The following DCC variants were observed in gnomAD, a reference collection of about 807,000 sequenced individuals.
DCC encodes netrin receptor DCC.
In DCC, 58 loss-of-function variants were observed where a neutral mutation model predicts 172.5. That is an observed-to-expected ratio of 0.34 (90% CI 0.27 to 0.42). DCC has a LOEUF of 0.42. DCC is among the 10% of genes least tolerant of loss of function. The pLI, the probability that DCC is intolerant of heterozygous loss-of-function variation, is 1.00. For synonymous variants in DCC, 709 were observed against 644.5 expected (o/e 1.10, Z -1.52); for missense variants, 1,740 against 1,791.0 (o/e 0.97, Z 0.51).
chr18:52,446,503 G>A (rs1436628739), intron 1 of DCC, among the ~76,000 whole-genome samples: 2 of 152,090 alleles, frequency 1.3e-5, no homozygotes, highest in Non-Finnish European at 2.9e-5. Flanking sequence ...GGCCTTATGG[G>A]TTTTTGACCC....
In DCC at chr18:52,517,151, G is replaced by A. The variant is rs542585625; in HGVS notation, c.91+176273G>A. ...ACCCAACCTCCGACTTTCAATAGAG[G>A]AAGGGTGCCAGAAGCAATCTGTGTT... On this transcript the variant is annotated intron_variant, in intron 1 of 28. Coordinates refer to ENST00000442544, the MANE Select transcript of DCC (RefSeq NM_005215.4). 1.7e-3 allele frequency among the ~76,000 whole-genome samples: 255 copies of A among 152,308 alleles called. 2 individuals carry two copies. Among genetic ancestry groups the A allele is most frequent in the Non-Finnish European group, 2.6e-3 (176 of 68,020 alleles).
intron 12 of DCC, among the ~76,000 whole-genome samples, chr18:53,286,400 TC>T (rs1236315784): frequency 6.6e-6 from 1 of 152,160 alleles, no homozygotes; most frequent in East Asian, 1.9e-4. Context: ...GCACAAGCTC[TC>T]TTCTCTTGTT....
chr18:53,140,541 AGTTT>A (rs944132394), intron 7 of DCC, among the ~76,000 whole-genome samples: 1 of 152,150 alleles, frequency 6.6e-6, no homozygotes, highest in Non-Finnish European at 1.5e-5. Flanking sequence ...AGGATTCGGT[AGTTT>A]GTTTTCATAT....
intron 27 of DCC, among the ~76,000 whole-genome samples, chr18:53,509,317 A>G (rs890870403): frequency 3.9e-5 from 6 of 152,248 alleles, no homozygotes; most frequent in Non-Finnish European, 8.8e-5. Context: ...ATGTTACAGT[A>G]TGGGTAATGT....
At chr18:52,930,136 C>T (rs868187449) in intron 5 of DCC, among the ~76,000 whole-genome samples, 6 of 150,720 alleles carry the variant, frequency 4.0e-5, no homozygotes, top group Middle Eastern at 6.8e-3. Flanking sequence ...TTCTTTTTTT[C>T]TTCTTTTTTG....
At chr18:53,289,306 C>T (rs1056023630) in intron 12 of DCC, among the ~76,000 whole-genome samples, 1 of 152,040 alleles carries the variant, frequency 6.6e-6, no homozygotes, top group Non-Finnish European at 1.5e-5. Flanking sequence ...GAATAGGAGA[C>T]AGCAATAGTA....
At chr18:53,022,537 A>ATGTG (rs1480008540) in intron 5 of DCC, among the ~76,000 whole-genome samples, 7 of 109,826 alleles carry the variant, frequency 6.4e-5, no homozygotes, top group East Asian at 2.5e-4. Context: ...TTTTATATAT[A>ATGTG]TATGTGCGTG....
chr18:53,375,408 A>G (rs1381663882), intron 15 of DCC, among the ~76,000 whole-genome samples: 1 of 152,196 alleles, frequency 6.6e-6, no homozygotes, highest in Non-Finnish European at 1.5e-5. Context: ...AGGAATTACA[A>G]ACATCTATAA....
At chr18:53,256,157 G>A (rs971264182) in intron 12 of DCC, among the ~76,000 whole-genome samples, 4 of 152,112 alleles carry the variant, frequency 2.6e-5, no homozygotes, top group African/African-American at 9.7e-5. Context: ...CTTCCATTCT[G>A]TAGGTTGCCT....
chr18:52,889,158 G>A (rs1250326466), intron 2 of DCC, among the ~76,000 whole-genome samples: 1 of 151,998 alleles, frequency 6.6e-6, no homozygotes, highest in Non-Finnish European at 1.5e-5. Flanking sequence ...ACTAGGAATT[G>A]GAGATGGGGT....
chr18:53,026,897 A>C (rs2041961811), intron 5 of DCC, among the ~76,000 whole-genome samples: 1 of 152,110 alleles, frequency 6.6e-6, no homozygotes, highest in Non-Finnish European at 1.5e-5. Flanking sequence ...AATTTGAAGA[A>C]GTCTATGAAG....
At chr18:53,193,655 A>C (rs939474815) in intron 9 of DCC, among the ~76,000 whole-genome samples, 1 of 152,100 alleles carries the variant, frequency 6.6e-6, no homozygotes, top group Non-Finnish European at 1.5e-5. Context: ...ATTTGCTGGC[A>C]TCTTGGGCAT....
chr18:53,230,911 T>A (rs554409840), intron 12 of DCC, among the ~76,000 whole-genome samples: 1 of 152,196 alleles, frequency 6.6e-6, no homozygotes, highest in African/African-American at 2.4e-5. Flanking sequence ...TGTGACATCA[T>A]GCAGTTTGAA....
chr18:52,697,856 T>G (rs892092663), intron 1 of DCC, among the ~76,000 whole-genome samples: 2 of 152,210 alleles, frequency 1.3e-5, no homozygotes, highest in African/African-American at 4.8e-5. Context: ...TGAGAATCTA[T>G]TTTGGATTTA....
chr18:52,599,446 T>A (rs781259433), intron 1 of DCC, among the ~76,000 whole-genome samples: 1 of 152,218 alleles, frequency 6.6e-6, no homozygotes, highest in Non-Finnish European at 1.5e-5. Flanking sequence ...GTGGCTGCGT[T>A]CCAATAATCC....
chr18:53,428,099 AT>A (rs1911148881), intron 21 of DCC, among the ~76,000 whole-genome samples: 1 of 10,052 alleles, frequency 9.9e-5, no homozygotes, highest in African/African-American at 3.7e-4. Flanking sequence ...TATATAATAT[AT>A]AATATAATAT....
intron 2 of DCC, among the ~76,000 whole-genome samples, chr18:52,798,777 A>G (rs2037926513): frequency 6.7e-6 from 1 of 149,946 alleles, no homozygotes; most frequent in African/African-American, 2.5e-5. Flanking sequence ...TTTAAGGTGG[A>G]GTTTTACTCT....
intron 3 of DCC, among the ~76,000 whole-genome samples, chr18:52,912,396 C>A (rs1269368715): frequency 6.6e-6 from 1 of 151,848 alleles, no homozygotes; most frequent in Admixed American, 6.6e-5. Context: ...TAATAAATTA[C>A]CTGATTTTGG....
At chr18:52,492,073 G>A (rs56299199) in intron 1 of DCC, among the ~76,000 whole-genome samples, 8,713 of 152,032 alleles carry the variant, frequency 0.057, 312 homozygotes, top group South Asian at 0.12. Context: ...AAGAACCGTC[G>A]TTTACTTCAA....
Sources: gnomAD v4.1 joint callset for allele counts (sites outside exome capture counted in the v4.1 genomes callset) on GRCh38, gnomAD v4.1.1 for gene constraint, MANE v1.5 for transcripts, NCBI Gene and HGNC (gene_info 2026-07-23, HGNC 2026-07-21) for gene names.